CAP2: variants seen among roughly 807,000 people sequenced by gnomAD.
CAP2 encodes cyclase associated actin cytoskeleton regulatory protein 2.
CAP2 carries 24 observed loss-of-function variants against 57.7 expected under a neutral mutation model. The observed-to-expected ratio is 0.42, with a 90% CI of 0.30 to 0.58. The LOEUF (loss-of-function observed/expected upper bound fraction) is 0.58. CAP2 is among the 20% of genes least tolerant of loss of function. The pLI is 0.22. For missense variants in CAP2, 501 were observed against 590.3 expected, an observed-to-expected ratio of 0.85 and a Z score of 1.57; for synonymous variants, 194 against 207.2, an observed-to-expected ratio of 0.94 and a Z score of 0.55.
intron 4 of CAP2, among the ~76,000 whole-genome samples, chr6:17,505,834 C>T (rs1036466261): frequency 2.0e-5 from 3 of 152,162 alleles, no homozygotes; most frequent in African/African-American, 7.2e-5. Flanking sequence ...TCTGGAGAAT[C>T]TAGCTCCGAG....
chr6:17,463,224 A>G lies in CAP2; in HGVS notation c.300+151A>G, dbSNP rs958168079. The G allele has an allele frequency of 9.2e-5, 54 of 584,216 alleles. No individual in the cohort carries two copies. In the East Asian group the frequency reaches 1.0e-3, roughly 11 times the overall value. 36.2% of individuals were successfully genotyped at this position (584,216 alleles called of 1,614,324 possible). On this transcript the variant is annotated intron_variant, in intron 4 of 12. Transcript: ENST00000229922. ...TTCTGTCTCTAATCTGGATCATGGT[A>G]TAGAACAATTCTTCTCTCTCCTAAT...
intron 2 of CAP2, among the ~76,000 whole-genome samples, chr6:17,423,097 G>GT (rs909895374): frequency 1.2e-4 from 18 of 152,218 alleles, no homozygotes; most frequent in African/African-American, 4.3e-4. Context: ...ATCCTGTCAG[G>GT]TTTTTTTGGG....
At chr6:17,494,176 A>T (rs976838690) in intron 4 of CAP2, among the ~76,000 whole-genome samples, 4 of 152,226 alleles carry the variant, frequency 2.6e-5, no homozygotes, top group Admixed American at 2.6e-4. Flanking sequence ...TACAGCAGCC[A>T]GAGCGATCCT....
At chr6:17,469,429 T>G (rs564088341) in intron 4 of CAP2, among the ~76,000 whole-genome samples, 2 of 151,878 alleles carry the variant, frequency 1.3e-5, no homozygotes, top group Non-Finnish European at 2.9e-5. Context: ...TGTGTGTGTG[T>G]GTGTCTGTGT....
intron 2 of CAP2, among the ~76,000 whole-genome samples, chr6:17,422,452 C>T (rs928165878): frequency 2.4e-4 from 36 of 149,360 alleles, no homozygotes; most frequent in African/African-American, 7.2e-4. Context: ...CAGATTCAAG[C>T]GATTCTCTTG....
chr6:17,407,300 C>T (rs1279955244), intron 1 of CAP2, among the ~76,000 whole-genome samples: 1 of 151,956 alleles, frequency 6.6e-6, no homozygotes, highest in African/African-American at 2.4e-5. Context: ...GAGTTGAAAC[C>T]CCTGATTGAT....
chr6:17,406,541 A>G (rs1317146214), intron 1 of CAP2, among the ~76,000 whole-genome samples: 1 of 151,752 alleles, frequency 6.6e-6, no homozygotes, highest in Non-Finnish European at 1.5e-5. Flanking sequence ...TTACAGGCCC[A>G]TGCCACCACG....
At chr6:17,490,319 T>C (rs1761514680) in intron 4 of CAP2, among the ~76,000 whole-genome samples, 1 of 152,212 alleles carries the variant, frequency 6.6e-6, no homozygotes, top group African/African-American at 2.4e-5. Flanking sequence ...TGTGGCTATC[T>C]CTTTCTGCAG....
At chr6:17,484,037 A>C (rs1299143910) in intron 4 of CAP2, among the ~76,000 whole-genome samples, 2 of 151,978 alleles carry the variant, frequency 1.3e-5, no homozygotes, top group Admixed American at 6.6e-5. Flanking sequence ...TCCCAAGCTT[A>C]TGTCCTTGGT....
At chr6:17,553,405 G>A (rs12206664) in intron 12 of CAP2, among the ~76,000 whole-genome samples, 1,880 of 152,230 alleles carry the variant, frequency 0.012, 20 homozygotes, top group Non-Finnish European at 0.019. Flanking sequence ...AGGCCGAGGC[G>A]GGCAGATCAC....
chr6:17,475,990 C>A (rs1761144200), intron 4 of CAP2, among the ~76,000 whole-genome samples: 1 of 152,158 alleles, frequency 6.6e-6, no homozygotes, highest in Non-Finnish European at 1.5e-5. Flanking sequence ...TTTTCTTTGG[C>A]TGAATATCCT....
chr6:17,541,936 C>T (rs1367762642), intron 9 of CAP2, among the ~76,000 whole-genome samples: 3 of 152,122 alleles, frequency 2.0e-5, no homozygotes, highest in Non-Finnish European at 2.9e-5. Flanking sequence ...GTAAAATAGA[C>T]GTAGCATAAA....
intron 7 of CAP2, among the ~76,000 whole-genome samples, chr6:17,525,494 A>C (rs1292532638): frequency 6.6e-6 from 1 of 151,808 alleles, no homozygotes; most frequent in Admixed American, 6.6e-5. Flanking sequence ...AGAAAAAAGA[A>C]GCTTCTCCAA....
intron 3 of CAP2, among the ~76,000 whole-genome samples, chr6:17,435,681 T>TAAAAAAAAAAAAAAAAAAA (rs71002211): frequency 1.5e-5 from 1 of 67,420 alleles, no homozygotes; most frequent in Non-Finnish European, 2.6e-5. Context: ...TAGAGTATAA[T>TAAAAAAAAAAAAAAAAAAA]AAAAAAAAAA....
intron 4 of CAP2, among the ~76,000 whole-genome samples, chr6:17,491,000 G>A (rs1444528395): frequency 6.6e-6 from 1 of 152,118 alleles, no homozygotes; most frequent in Admixed American, 6.5e-5. Context: ...GTAAACCACA[G>A]GACGTGTGCT....
chr6:17,440,715 C>T (rs1760050293), intron 3 of CAP2, among the ~76,000 whole-genome samples: 1 of 150,808 alleles, frequency 6.6e-6, no homozygotes, highest in South Asian at 2.1e-4. Context: ...TACATGTGCA[C>T]AACATGCAGG....
chr6:17,546,054 A>C (rs1763037036), intron 11 of CAP2, among the ~76,000 whole-genome samples: 1 of 152,226 alleles, frequency 6.6e-6, no homozygotes. Flanking sequence ...TTGGGTATAT[A>C]CCCAGTAATG....
intron 2 of CAP2, among the ~76,000 whole-genome samples, chr6:17,424,202 C>G (rs969215728): frequency 6.6e-6 from 1 of 152,050 alleles, no homozygotes; most frequent in Non-Finnish European, 1.5e-5. Flanking sequence ...AGATCAAGAC[C>G]ATCCTGGCTA....
intron 4 of CAP2, among the ~76,000 whole-genome samples, chr6:17,491,183 A>T (rs1581564274): frequency 6.6e-6 from 1 of 152,036 alleles, no homozygotes; most frequent in East Asian, 1.9e-4. Flanking sequence ...CGCCCCCGAG[A>T]TTGTCAGGGT....
Sources: gnomAD v4.1 joint callset for allele counts (sites outside exome capture counted in the v4.1 genomes callset) on GRCh38, gnomAD v4.1.1 for gene constraint, MANE v1.5 for transcripts, NCBI Gene and HGNC (gene_info 2026-07-23, HGNC 2026-07-21) for gene names.